Variants in SMARCAL1 observed in about 807,000 individuals in gnomAD.
The protein encoded by SMARCAL1 is SNF2 related chromatin remodeling annealing helicase 1.
Under a neutral mutation model 94.5 loss-of-function variants are expected in SMARCAL1, and 58 were observed. The ratio of observed to expected loss-of-function variants is 0.61; its 90% CI spans 0.50 to 0.76. SMARCAL1 has a LOEUF of 0.76. Ranked by LOEUF, SMARCAL1 falls within the 30% of genes least tolerant of loss-of-function variation. The pLI, the probability that SMARCAL1 is intolerant of heterozygous loss-of-function variation, is 0.00. For synonymous variants in SMARCAL1, 422 were observed against 455.1 expected, an observed-to-expected ratio of 0.93 and a Z score of 0.93; for missense variants, 1,051 against 1,177.9, an observed-to-expected ratio of 0.89 and a Z score of 1.58.
At chr2:216,452,711 T>C (rs996532137) in intron 12 of SMARCAL1, among the ~76,000 whole-genome samples, 3 of 151,972 alleles carry the variant, frequency 2.0e-5, no homozygotes, top group African/African-American at 7.3e-5. Context: ...AATTGTGTAG[T>C]ATGGCCAAAA....
chr2:216,437,101 G>A (rs1460979684), intron 9 of SMARCAL1, among the ~76,000 whole-genome samples: 1 of 152,204 alleles, frequency 6.6e-6, no homozygotes, highest in Non-Finnish European at 1.5e-5. Flanking sequence ...TAGAGTGATG[G>A]CTCTGAAGTG....
At chr2:216,414,498 TG>T (rs1486470874) in intron 2 of SMARCAL1, 148 bp from the exon 3 acceptor site, 1 of 588,216 alleles carries the variant, frequency 1.7e-6, no homozygotes, top group African/African-American at 1.9e-5. Context: ...ACTATTTCAG[TG>T]TGTGTGCAAT....
chr2:216,464,688 G>T, intron 13 of SMARCAL1, 21 bp downstream of exon 13: 1 of 1,501,990 alleles, frequency 6.7e-7, no homozygotes, highest in Non-Finnish European at 9.2e-7. Context: ...ACTAAGTGTC[G>T]ACCTCTCTCT....
chr2:216,435,832 A>G lies in SMARCAL1; in HGVS notation c.1644+336A>G, dbSNP rs116466473. Among the ~76,000 whole-genome samples the G allele has an allele frequency of 1.2e-3, 187 of 152,244 alleles. 1 individual carries two copies. The highest frequency in any genetic ancestry group is 4.3e-3 in the African/African-American group (180 of 41,534). On this transcript the variant is annotated intron_variant, in intron 9 of 17. Transcript: ENST00000357276. ...AGGCCACCTGGGGGCTCTGGGTACT[A>G]CAACCTGGACGGCAAGGGGGTGTGC...
chr2:216,477,049 C>T (rs1695098127), intron 15 of SMARCAL1, 60 bp from the exon 16 acceptor site: 5 of 1,327,250 alleles, frequency 3.8e-6, no homozygotes, highest in Non-Finnish European at 5.3e-6. Flanking sequence ...ACCATACCTG[C>T]TATGGTGGAT....
intron 7 of SMARCAL1, among the ~76,000 whole-genome samples, chr2:216,431,653 A>G (rs1481582174): frequency 2.0e-5 from 3 of 152,178 alleles, no homozygotes; most frequent in Non-Finnish European, 4.4e-5. Context: ...GAGGGGGCTG[A>G]GGCATAGGGA....
At chr2:216,456,503 G>C (rs1025010833) in intron 12 of SMARCAL1, among the ~76,000 whole-genome samples, 2 of 152,042 alleles carry the variant, frequency 1.3e-5, no homozygotes, top group Non-Finnish European at 2.9e-5. Flanking sequence ...TCTCTCGGCA[G>C]AAACTCTACA....
At position 216,482,625 on chromosome 2, in the gene SMARCAL1, C is replaced by A; in HGVS notation, c.2626-113C>A. ...TTGCCATCGTGTAGCTCCCTGACAC[C>A]ATGAAATGTGTGGTCTCTCATCTTT... On this transcript the variant is annotated intron_variant, in intron 17 of 17. Coordinates refer to ENST00000357276, the MANE Select transcript of SMARCAL1 (RefSeq NM_014140.4). The surrounding 1 kb of genome is among the most constrained non-coding windows in gnomAD (Gnocchi z 4.3). The A allele has an allele frequency of 1.4e-6, 2 of 1,454,044 alleles. No homozygotes were observed. The highest frequency in any genetic ancestry group is 9.6e-7 in the Non-Finnish European group (1 of 1,037,796). 90.1% of individuals were successfully genotyped at this position (1,454,044 alleles called of 1,614,324 possible).
intron 14 of SMARCAL1, among the ~76,000 whole-genome samples, chr2:216,471,748 C>T (rs1694971141): frequency 1.3e-5 from 2 of 152,106 alleles, no homozygotes; most frequent in African/African-American, 4.8e-5. Context: ...AATTTTACTT[C>T]TAGGAATTTA....
At chr2:216,429,306 A>G (rs548747390) in intron 7 of SMARCAL1, among the ~76,000 whole-genome samples, 3 of 152,304 alleles carry the variant, frequency 2.0e-5, no homozygotes, top group Admixed American at 6.5e-5. Context: ...TGGAGGCTTG[A>G]GGTCTTGTTG....
rs781340148 is a variant in SMARCAL1, at chr2:216,447,068, C to T, written c.1761C>T (p.Pro587=). Residue 587 remains proline (P), a synonymous_variant, in exon 11 of 18, where the codon CCC becomes CCT. Transcript: ENST00000357276. ...CGGGCACACCAGCCATGTCCCGGCC[C>T]GCAGAGCTCTACACGCAGATCATCG... The part of the protein sequence containing the change: ...LLSGTPAMSR[P]AELYTQIIAV... 2.1e-5 allele frequency: 34 copies of T among 1,613,888 alleles called. No individual in the cohort carries two copies. Among genetic ancestry groups the T allele is most frequent in the African/African-American group, 4.0e-5 (3 of 74,868 alleles).
intron 14 of SMARCAL1, among the ~76,000 whole-genome samples, chr2:216,474,128 C>CTTTTTTTTTTTTTTTT (rs1182416023): frequency 1.7e-4 from 11 of 64,924 alleles, no homozygotes; most frequent in African/African-American, 6.4e-4. Context: ...GTATAGCATT[C>CTTTTTTTTTTTTTTTT]TTTTTTTTTT....
At chr2:216,425,514 G>A (rs1693813678) in intron 6 of SMARCAL1, among the ~76,000 whole-genome samples, 2 of 152,220 alleles carry the variant, frequency 1.3e-5, no homozygotes, top group African/African-American at 4.8e-5. Flanking sequence ...CACTCCTGTG[G>A]TTCGGCAGAC....
intron 10 of SMARCAL1, 47 bp downstream of exon 10, chr2:216,438,532 A>G: frequency 6.4e-7 from 1 of 1,552,156 alleles, no homozygotes; most frequent in Non-Finnish European, 8.9e-7. Flanking sequence ...GCATCCCATA[A>G]TATTTTGCTC....
chr2:216,479,567 T>TA (rs1272624757), intron 17 of SMARCAL1, among the ~76,000 whole-genome samples: 1 of 119,004 alleles, frequency 8.4e-6, no homozygotes, highest in Non-Finnish European at 1.8e-5. Context: ...ATTCTTTCTT[T>TA]GCAAGGATTT....
chr2:216,466,526 C>A (rs542501912), intron 13 of SMARCAL1, among the ~76,000 whole-genome samples: 1 of 152,158 alleles, frequency 6.6e-6, no homozygotes, highest in East Asian at 1.9e-4. Flanking sequence ...TTTTTCTTTT[C>A]TTTTTTTGCT....
intron 10 of SMARCAL1, among the ~76,000 whole-genome samples, chr2:216,444,286 T>A (rs1694258433): frequency 6.6e-6 from 1 of 152,184 alleles, no homozygotes; most frequent in Non-Finnish European, 1.5e-5. Context: ...GGTATAAGAC[T>A]GGACTGAGCT....
At chr2:216,480,134 A>G (rs1695165649) in intron 17 of SMARCAL1, among the ~76,000 whole-genome samples, 1 of 152,222 alleles carries the variant, frequency 6.6e-6, no homozygotes. Context: ...CTTACTCTAA[A>G]TTGGTTAAGC....
At chr2:216,445,436 G>A (rs980484944) in intron 10 of SMARCAL1, among the ~76,000 whole-genome samples, 2 of 152,124 alleles carry the variant, frequency 1.3e-5, no homozygotes, top group African/African-American at 4.8e-5. Flanking sequence ...TGGGAGAAGC[G>A]ATTTAATACT....
Sources: gnomAD v4.1 joint callset for allele counts (sites outside exome capture counted in the v4.1 genomes callset) on GRCh38, gnomAD v4.1.1 for gene constraint, Gnocchi (gnomAD v3.1) non-coding constraint, MANE v1.5 for transcripts, NCBI Gene and HGNC (gene_info 2026-07-23, HGNC 2026-07-21) for gene names.